CDK5RAP1: variants seen among roughly 807,000 people sequenced by gnomAD.
The protein encoded by CDK5RAP1 is CDK5RAP1 mitochondrial tRNA methylthiotransferase.
CDK5RAP1 carries 62 observed loss-of-function variants against 64.5 expected under a neutral mutation model. That is an observed-to-expected ratio of 0.96 (90% CI 0.78 to 1.19). CDK5RAP1 has a LOEUF of 1.19. Among genes scored for constraint, CDK5RAP1 ranks in the 50% most tolerant of loss-of-function variants. The pLI, the probability that CDK5RAP1 is intolerant of heterozygous loss-of-function variation, is 0.00. For synonymous variants in CDK5RAP1, 250 were observed against 261.9 expected (o/e 0.95, Z 0.44); for missense variants, 657 against 735.0 (o/e 0.89, Z 1.23).
chr20:33,375,612 C>T lies in CDK5RAP1; in HGVS notation c.1108-1400G>A, dbSNP rs146351006. ...AAGACTTTTCACTGAAACAAAAAAC[C>T]TCCAAAAAAAGGTTTCAGATGTGGG... On this transcript the variant is annotated intron_variant, in intron 8 of 13. Transcript: ENST00000346416. Among the ~76,000 whole-genome samples the T allele has an allele frequency of 2.0e-3, 311 of 151,926 alleles. 2 individuals are homozygous for T. The highest frequency in any genetic ancestry group is 7.0e-3 in the African/African-American group (292 of 41,428).
At chr20:33,397,170 T>A in intron 1 of CDK5RAP1, 86 bp from the exon 2 acceptor site, 1 of 947,178 alleles carries the variant, frequency 1.1e-6, no homozygotes, top group Non-Finnish European at 1.5e-6. Flanking sequence ...TATACATCTA[T>A]TTACCCCTCA....
rs748533318 is a variant in CDK5RAP1, at chr20:33,372,711, CAA to C, written c.1206-16_1206-15del. 6.7e-5 allele frequency: 105 copies of C among 1,572,236 alleles called. No homozygotes were observed. The South Asian group carries it at 9.6e-4, about 14-fold the overall frequency. On this transcript the variant is annotated splice_polypyrimidine_tract_variant and intron_variant, in intron 9 of 13. Transcript: ENST00000346416. ...TCTCTTGAATATCTGCAATAAAGAA[CAA>C]AAGGAAAAGGCCTACATAAATCCAA...
chr20:33,376,372 T>C (rs962660993), intron 8 of CDK5RAP1, among the ~76,000 whole-genome samples: 2 of 152,174 alleles, frequency 1.3e-5, no homozygotes, highest in African/African-American at 4.8e-5. Context: ...AAAGTTGTTA[T>C]GCTGCCTGGG....
At chr20:33,385,917 A>G (rs1310114185) in intron 6 of CDK5RAP1, 147 bp from the exon 7 acceptor site, 10 of 667,228 alleles carry the variant, frequency 1.5e-5, no homozygotes, top group Non-Finnish European at 2.0e-5. Context: ...AGATCTAAGC[A>G]CTAAAGTAGA....
intron 7 of CDK5RAP1, among the ~76,000 whole-genome samples, chr20:33,383,146 A>C (rs1986977747): frequency 6.6e-6 from 1 of 152,044 alleles, no homozygotes; most frequent in Non-Finnish European, 1.5e-5. Context: ...GTGCCATTGC[A>C]CTCCAGCCTG....
chr20:33,358,990 C>T lies in CDK5RAP1; in HGVS notation c.*53G>A. On this transcript the variant is annotated 3_prime_UTR_variant, in exon 14 of 14. Transcript: ENST00000346416. ...TTTCCTCAGTGGCAGGCAATGTCTC[C>T]CCTTCCTGTTGGGGAGGATTGCCCA... 1.5e-6 allele frequency: 2 copies of T among 1,314,778 alleles called. No homozygotes were observed. The highest frequency in any genetic ancestry group is 2.2e-6 in the Non-Finnish European group (2 of 913,074). 81.4% of individuals were successfully genotyped at this position (1,314,778 alleles called of 1,614,324 possible). A position where few individuals can be genotyped will look rare whatever the true frequency, so the allele number is the denominator to read the frequency against.
intron 12 of CDK5RAP1, among the ~76,000 whole-genome samples, chr20:33,365,659 G>T (rs781521561): frequency 2.7e-5 from 4 of 146,334 alleles, no homozygotes; most frequent in Admixed American, 6.8e-5. Flanking sequence ...AGAGAGAGCT[G>T]TATCTAATTC....
intron 12 of CDK5RAP1, among the ~76,000 whole-genome samples, chr20:33,361,021 A>G (rs1982816891): frequency 6.6e-6 from 1 of 152,340 alleles, no homozygotes; most frequent in South Asian, 2.1e-4. Context: ...TCTTCCAGCC[A>G]TGGTAAAGAG....
At chr20:33,366,070 G>C (rs1241220693) in intron 12 of CDK5RAP1, among the ~76,000 whole-genome samples, 1 of 152,172 alleles carries the variant, frequency 6.6e-6, no homozygotes. Context: ...TGTAATCCCA[G>C]CTCTTTGGGA....
Position 33,379,544 on chromosome 20 carries a change from G to A in CDK5RAP1, c.1024C>T (p.His342Tyr). The A allele has an allele frequency of 1.9e-6, 3 of 1,614,100 alleles. No homozygotes were observed. Among genetic ancestry groups the A allele is most frequent in the Non-Finnish European group, 1.7e-6 (2 of 1,179,970 alleles). Residue 342 changes from histidine (H) to tyrosine (Y), a missense_variant, in exon 8 of 14, where the codon CAT (histidine) becomes TAT (tyrosine). Transcript: ENST00000346416. ...KTKQGGLRFAHLLDQVSRVDP... is the reference protein window; with the variant it reads ...KTKQGGLRFAYLLDQVSRVDP... ...ACTCTGGAGACCTGATCCAGAAGAT[G>A]AGCAAAACGAAGTCCTCCTTGCTTG...
At chr20:33,371,740 G>A (rs1034604463) in intron 10 of CDK5RAP1, among the ~76,000 whole-genome samples, 3 of 152,016 alleles carry the variant, frequency 2.0e-5, no homozygotes, top group African/African-American at 4.8e-5. Flanking sequence ...CCGAGATTGC[G>A]CCACTGCACT....
intron 9 of CDK5RAP1, chr20:33,373,178 G>GTGTGTC (rs1985385483): frequency 1.9e-5 from 3 of 160,142 alleles, no homozygotes; most frequent in Non-Finnish European, 2.7e-5. Flanking sequence ...GTGTGTGTCT[G>GTGTGTC]TGTGTGTAGG....
At position 33,380,545 on chromosome 20, in the gene CDK5RAP1, G is replaced by A. The variant is rs192028189; in HGVS notation, c.877-854C>T. Among the ~76,000 whole-genome samples, 99 of 152,244 alleles carry A rather than the reference G, an allele frequency of 6.5e-4. 1 individual carries two copies. The Middle Eastern group carries it at 0.01, about 16-fold the overall frequency. ...ATGAAGAGAAAAATTGTTACTCATA[G>A]AAGATACATACTGAAGTATCTAGGG... On this transcript the variant is annotated intron_variant, in intron 7 of 13. Coordinates refer to ENST00000346416, the MANE Select transcript of CDK5RAP1 (RefSeq NM_016408.4).
chr20:33,392,307 G>C, intron 4 of CDK5RAP1, 65 bp from the exon 5 acceptor site: 1 of 945,516 alleles, frequency 1.1e-6, no homozygotes, highest in African/African-American at 1.6e-5. Flanking sequence ...AAGAGAGTAG[G>C]TCAGTGGGAA....
intron 3 of CDK5RAP1, among the ~76,000 whole-genome samples, chr20:33,394,602 C>T (rs563925037): frequency 6.6e-6 from 1 of 152,098 alleles, no homozygotes; most frequent in Non-Finnish European, 1.5e-5. Context: ...CTGCCTTGGC[C>T]TCCCAAAGTC....
At chr20:33,393,160 G>A (rs1002805113) in intron 4 of CDK5RAP1, among the ~76,000 whole-genome samples, 11 of 152,072 alleles carry the variant, frequency 7.2e-5, no homozygotes, top group Admixed American at 2.0e-4. Context: ...TTACAGGTGT[G>A]AGCAACCGTG....
upstream of CDK5RAP1, chr20:33,401,556 CAT>C: frequency 1.0e-6 from 1 of 976,358 alleles, no homozygotes; most frequent in Non-Finnish European, 1.2e-6. Context: ...CAGGCCGGGT[CAT>C]GCTAACGGAA....
intron 10 of CDK5RAP1, 109 bp from the exon 11 acceptor site, chr20:33,370,738 C>G: frequency 8.8e-7 from 1 of 1,141,684 alleles, no homozygotes; most frequent in Non-Finnish European, 1.3e-6. Context: ...AAGGTCCTCC[C>G]TAGGACTATT....
chr20:33,372,822 G>C, intron 9 of CDK5RAP1, 125 bp from the exon 10 acceptor site: 1 of 601,134 alleles, frequency 1.7e-6, no homozygotes, highest in Admixed American at 3.0e-5. Flanking sequence ...GGGCACACGA[G>C]TAAATTAAAG....
Sources: allele counts gnomAD v4.1 joint callset (sites outside exome capture counted in the v4.1 genomes callset), GRCh38; gene constraint gnomAD v4.1.1; transcripts MANE v1.5; gene names NCBI Gene and HGNC (gene_info 2026-07-23, HGNC 2026-07-21).